The following GMDS variants were observed in gnomAD, a reference collection of about 807,000 sequenced individuals.
The protein encoded by GMDS is GDP-mannose 4,6 dehydratase.
Under a neutral mutation model 49.9 loss-of-function variants are expected in GMDS, and 20 were observed. The observed-to-expected ratio is 0.40, with a 90% CI of 0.28 to 0.58. GMDS has a LOEUF of 0.58. GMDS is among the 20% of genes least tolerant of loss of function. GMDS has a pLI of 0.42. For missense variants in GMDS, 362 were observed against 481.4 expected (o/e 0.75, Z 2.32); for synonymous variants, 177 against 178.6 (o/e 0.99, Z 0.07).
chr6:2,166,978 A>G (rs1257876059), intron 1 of GMDS, among the ~76,000 whole-genome samples: 1 of 152,212 alleles, frequency 6.6e-6, no homozygotes, highest in Non-Finnish European at 1.5e-5. Flanking sequence ...GCCTCTACAA[A>G]TAGATGATTC....
At chr6:1,789,317 C>T (rs553862180) in intron 7 of GMDS, among the ~76,000 whole-genome samples, 2 of 152,094 alleles carry the variant, frequency 1.3e-5, no homozygotes, top group Non-Finnish European at 2.9e-5. Flanking sequence ...TGGCTCAAGG[C>T]CCTGACTCTC....
At chr6:1,834,086 T>TAG (rs904298694) in intron 7 of GMDS, among the ~76,000 whole-genome samples, 4 of 152,180 alleles carry the variant, frequency 2.6e-5, no homozygotes, top group Non-Finnish European at 1.5e-5. Flanking sequence ...ATCTAGTAGT[T>TAG]AAAGTTCAAT....
At chr6:2,105,130 G>C (rs949746642) in intron 4 of GMDS, among the ~76,000 whole-genome samples, 25 of 147,452 alleles carry the variant, frequency 1.7e-4, no homozygotes, top group South Asian at 6.4e-4. Flanking sequence ...TGCAGTGAGC[G>C]GAGATCACGC....
chr6:2,061,180 A>G (rs1314721257), intron 4 of GMDS, among the ~76,000 whole-genome samples: 3 of 152,130 alleles, frequency 2.0e-5, no homozygotes, highest in Non-Finnish European at 2.9e-5. Context: ...ATAGAGGAAA[A>G]GGACGGGAAA....
At chr6:2,030,110 T>G (rs957488365) in intron 4 of GMDS, among the ~76,000 whole-genome samples, 1 of 152,206 alleles carries the variant, frequency 6.6e-6, no homozygotes, top group Non-Finnish European at 1.5e-5. Context: ...ACAGCCCATG[T>G]GGTTCCCACA....
At chr6:1,909,670 T>G (rs1760950394) in intron 7 of GMDS, among the ~76,000 whole-genome samples, 1 of 152,186 alleles carries the variant, frequency 6.6e-6, no homozygotes, top group South Asian at 2.1e-4. Flanking sequence ...AGACTCTCCC[T>G]CTGGGGAGAA....
chr6:2,234,478 G>A (rs58293870), intron 1 of GMDS, among the ~76,000 whole-genome samples: 6 of 152,078 alleles, frequency 3.9e-5, no homozygotes, highest in East Asian at 1.9e-4. Context: ...GCATGGTAGC[G>A]GGTGCCTGTA....
chr6:2,109,176 A>G (rs921907505), intron 4 of GMDS, among the ~76,000 whole-genome samples: 7 of 152,182 alleles, frequency 4.6e-5, no homozygotes, highest in Non-Finnish European at 8.8e-5. Flanking sequence ...GTGAGCAGGC[A>G]GCACACTGGG....
At chr6:1,816,584 G>A (rs1292239159) in intron 7 of GMDS, among the ~76,000 whole-genome samples, 2 of 152,072 alleles carry the variant, frequency 1.3e-5, no homozygotes, top group South Asian at 2.1e-4. Flanking sequence ...TACTGTAAAC[G>A]ATTTTGCTTT....
At chr6:1,675,705 T>C (rs1260339915) in intron 9 of GMDS, among the ~76,000 whole-genome samples, 3 of 152,000 alleles carry the variant, frequency 2.0e-5, no homozygotes, top group African/African-American at 7.3e-5. Context: ...ATAAAAAAAT[T>C]AGCCGGGTGT....
chr6:1,761,867 A>C (rs1054573445), intron 7 of GMDS, among the ~76,000 whole-genome samples: 2 of 152,108 alleles, frequency 1.3e-5, no homozygotes, highest in African/African-American at 4.8e-5. Context: ...TGATTTATTT[A>C]CTCCATAATT....
chr6:1,843,466 T>C (rs1311482892), intron 7 of GMDS, among the ~76,000 whole-genome samples: 1 of 152,108 alleles, frequency 6.6e-6, no homozygotes, highest in East Asian at 1.9e-4. Flanking sequence ...CTATAGGGTC[T>C]CTCTTAAATG....
chr6:1,854,774 G>A (rs78225342), intron 7 of GMDS, among the ~76,000 whole-genome samples: 2,264 of 152,222 alleles, frequency 0.015, 50 homozygotes, highest in African/African-American at 0.052. Context: ...TTCTTTTCAC[G>A]TTTAGAGGAG....
At chr6:1,675,683 T>G (rs1262485256) in intron 9 of GMDS, among the ~76,000 whole-genome samples, 1 of 152,018 alleles carries the variant, frequency 6.6e-6, no homozygotes, top group Non-Finnish European at 1.5e-5. Flanking sequence ...AAACCCCATC[T>G]CTACTAAAAA....
At chr6:1,759,504 C>T (rs369722283) in intron 7 of GMDS, among the ~76,000 whole-genome samples, 2 of 152,182 alleles carry the variant, frequency 1.3e-5, no homozygotes, top group Non-Finnish European at 2.9e-5. Flanking sequence ...CTCAATTCTA[C>T]GTGCTGGTTA....
chr6:1,743,173 T>C (rs934878979), intron 7 of GMDS, among the ~76,000 whole-genome samples: 7 of 152,152 alleles, frequency 4.6e-5, no homozygotes, highest in African/African-American at 1.7e-4. Flanking sequence ...ATAAAAAAGC[T>C]GTCTGAGAGG....
At chr6:1,768,700 C>T (rs1768457491) in intron 7 of GMDS, among the ~76,000 whole-genome samples, 1 of 152,172 alleles carries the variant, frequency 6.6e-6, no homozygotes, top group Non-Finnish European at 1.5e-5. Flanking sequence ...GATGTTCGAC[C>T]AGTAAGTATA....
intron 7 of GMDS, among the ~76,000 whole-genome samples, chr6:1,826,033 G>A (rs1771097234): frequency 6.6e-6 from 1 of 151,988 alleles, no homozygotes; most frequent in African/African-American, 2.4e-5. Context: ...TAAAAAGATA[G>A]AAAATGGTAC....
intron 1 of GMDS, among the ~76,000 whole-genome samples, chr6:2,167,812 C>G (rs1029354537): frequency 1.3e-4 from 20 of 152,156 alleles, no homozygotes; most frequent in African/African-American, 4.8e-4. Flanking sequence ...TCGGCAACAT[C>G]CCACTCCACT....
Sources: gnomAD v4.1 joint callset for allele counts (sites outside exome capture counted in the v4.1 genomes callset) on GRCh38, gnomAD v4.1.1 for gene constraint, MANE v1.5 for transcripts, NCBI Gene and HGNC (gene_info 2026-07-23, HGNC 2026-07-21) for gene names.